The following ADGB variants were observed in gnomAD, a reference collection of about 807,000 sequenced individuals.
ADGB encodes the protein calpain-7-like protein.
Under a neutral mutation model 210.5 loss-of-function variants are expected in ADGB, and 172 were observed. The ratio of observed to expected loss-of-function variants is 0.82; its 90% CI spans 0.72 to 0.93. ADGB has a LOEUF of 0.93. ADGB is among the 40% of genes least tolerant of loss of function. The pLI, the probability that ADGB is intolerant of heterozygous loss-of-function variation, is 0.00. For missense variants in ADGB, 2,025 were observed against 1,964.8 expected (o/e 1.03, Z -0.58); for synonymous variants, 658 against 662.7 (o/e 0.99, Z 0.11).
chr6:146,665,275 T>A (rs1465834463), intron 6 of ADGB, among the ~76,000 whole-genome samples: 1 of 152,036 alleles, frequency 6.6e-6, no homozygotes, highest in Admixed American at 6.6e-5. Context: ...AGCTTCATTT[T>A]TCTCTCCCAA....
intron 2 of ADGB, among the ~76,000 whole-genome samples, chr6:146,636,559 AT>A (rs571738373): frequency 1.3e-5 from 2 of 152,068 alleles, no homozygotes; most frequent in Non-Finnish European, 2.9e-5. Flanking sequence ...TATTCTATGT[AT>A]TTTTTTCAGT....
At chr6:146,783,250 G>A (rs259403) in intron 30 of ADGB, among the ~76,000 whole-genome samples, 121,642 of 152,106 alleles carry the variant, frequency 0.8, 48,855 homozygotes, top group Admixed American at 0.84. Context: ...AGGAATAGCT[G>A]AGTAGGATGT....
intron 5 of ADGB, among the ~76,000 whole-genome samples, chr6:146,659,820 C>A (rs538621656): frequency 6.6e-6 from 1 of 152,024 alleles, no homozygotes; most frequent in African/African-American, 2.4e-5. Flanking sequence ...TTTGGGCCCC[C>A]GAAAGAAGCA....
intron 1 of ADGB, among the ~76,000 whole-genome samples, chr6:146,605,432 A>G (rs1780618038): frequency 6.6e-6 from 1 of 152,208 alleles, no homozygotes; most frequent in Non-Finnish European, 1.5e-5. Context: ...TCTGAAAAAG[A>G]AAATAAAGAA....
At chr6:146,810,791 A>T in intron 35 of ADGB, among the ~76,000 whole-genome samples, 1 of 152,142 alleles carries the variant, frequency 6.6e-6, no homozygotes, top group East Asian at 1.9e-4. Flanking sequence ...GTTACCAGAG[A>T]CTTAGGGGTG....
At chr6:146,767,708 C>T (rs1369861017) in intron 28 of ADGB, among the ~76,000 whole-genome samples, 1 of 146,566 alleles carries the variant, frequency 6.8e-6, no homozygotes, top group African/African-American at 2.4e-5. Flanking sequence ...CCCCTGACCT[C>T]AGGTGACCCA....
chr6:146,733,840 A>G lies in ADGB; in HGVS notation c.2657-53A>G, dbSNP rs371246595. 43 of 1,546,676 alleles carry G rather than the reference A, an allele frequency of 2.8e-5. No homozygotes were observed. The African/African-American group carries it at 4.7e-4, about 17-fold the overall frequency. On this transcript the variant is annotated intron_variant, in intron 21 of 35. Coordinates refer to ENST00000397944, the MANE Select transcript of ADGB (RefSeq NM_024694.4). ...TTGGCAGCTGAAGGCGTTGAAACTT[A>G]GGGAAGGGATTAAATATAACTTTCA...
chr6:146,631,998 G>T (rs1781073732), intron 1 of ADGB, among the ~76,000 whole-genome samples: 2 of 151,112 alleles, frequency 1.3e-5, no homozygotes, highest in Non-Finnish European at 1.5e-5. Context: ...CCTTCACTTG[G>T]TTTCCAAGGT....
In ADGB at chr6:146,776,449, A is replaced by T. The variant is rs1777723699; in HGVS notation, c.3863-5571A>T. 2.0e-5 allele frequency among the ~76,000 whole-genome samples: 3 copies of T among 152,138 alleles called. No homozygotes were observed. The South Asian group carries it at 6.2e-4, about 32-fold the overall frequency. On this transcript the variant is annotated intron_variant, in intron 29 of 35. Transcript: ENST00000397944. The stretch of plus-strand genomic sequence containing the variant: ...TATAATGATGTTCTGGCCTTCAAAG[A>T]ACTTAAAATTTATGTGAGAAAAGGT...
At chr6:146,667,402 G>T (rs1250661576) in intron 7 of ADGB, among the ~76,000 whole-genome samples, 3 of 152,006 alleles carry the variant, frequency 2.0e-5, no homozygotes, top group African/African-American at 4.8e-5. Context: ...GTTAACACCT[G>T]TTCTCTCTGG....
chr6:146,750,826 A>T (rs1777309972), intron 26 of ADGB, among the ~76,000 whole-genome samples: 1 of 152,120 alleles, frequency 6.6e-6, no homozygotes, highest in Admixed American at 6.5e-5. Context: ...TATTTTTGTG[A>T]TTCACAGAAA....
At position 146,676,330 on chromosome 6, in the gene ADGB, G is replaced by A; in HGVS notation, c.1105G>A (p.Asp369Asn). The change falls in exon 9 of 36, where the codon GAC (aspartate) becomes AAC (asparagine). Residue 369 changes from aspartate to asparagine, a missense_variant. Asp to Asn is a conservative substitution (Grantham distance 23, BLOSUM62 1). Transcript: ENST00000397944. Reference protein sequence around the residue: ...KVPKEKADARDIGKKRSKDGE... With the variant: ...KVPKEKADARNIGKKRSKDGE... ...TATGTTAGAGAAAGCAGATGCAAGA[G>A]ACATTGGAAAGAAGAGAAGCAAAGA... The A allele has an allele frequency of 6.5e-7, 1 of 1,548,118 alleles. No homozygotes were observed. Among genetic ancestry groups the A allele is most frequent in the Non-Finnish European group, 8.7e-7 (1 of 1,145,250 alleles).
rs561265181 is a variant in ADGB at position 146,686,713 on chromosome 6, G to A, written c.1311+885G>A. On this transcript the variant is annotated intron_variant, in intron 10 of 35. Coordinates refer to ENST00000397944, the MANE Select transcript of ADGB (RefSeq NM_024694.4). The stretch of plus-strand genomic sequence containing the variant: ...AATTTATTTAAACAAATGCCCTACT[G>A]CTTTTGGGGTTTTTGAATCCCAATT... 2.6e-5 allele frequency among the ~76,000 whole-genome samples: 4 copies of A among 152,174 alleles called. No homozygotes were observed. In the East Asian group the frequency reaches 7.7e-4, roughly 29 times the overall value.
At position 146,717,083 on chromosome 6, in the gene ADGB, T is replaced by A; in HGVS notation, c.1928+14T>A. On this transcript the variant is annotated intron_variant, in intron 15 of 35. Transcript: ENST00000397944. Reference sequence around the variant, plus strand: ...TGTATGCTTTCAGTAAGTATACCAATGGGATCAATCTGACTATGTCGTAGT... The same window carrying A: ...TGTATGCTTTCAGTAAGTATACCAAAGGGATCAATCTGACTATGTCGTAGT... 3 of 1,541,928 alleles carry A rather than the reference T, an allele frequency of 1.9e-6. No individual in the cohort carries two copies. The highest frequency in any genetic ancestry group is 1.8e-6 in the Non-Finnish European group (2 of 1,139,162).
chr6:146,656,887 C>T lies in ADGB; in HGVS notation c.519C>T (p.Pro173=), dbSNP rs1775789515. The part of the protein sequence containing the change: ...SGEPPLLPWK[P]WEHIYSLCKA... Reference sequence around the variant, plus strand: ...AACCTCCTCTTCTCCCCTGGAAGCCCTGGGAACACATATACTCTCTGTGCA... The same window carrying T: ...AACCTCCTCTTCTCCCCTGGAAGCCTTGGGAACACATATACTCTCTGTGCA... The change falls in exon 5 of 36, where the codon CCC becomes CCT. Residue 173 remains proline (P), a synonymous_variant. Coordinates refer to ENST00000397944, the MANE Select transcript of ADGB (RefSeq NM_024694.4). The T allele has an allele frequency of 1.9e-6, 3 of 1,551,496 alleles. No homozygotes were observed. The highest frequency in any genetic ancestry group is 1.2e-5 in the South Asian group (1 of 84,036).
chr6:146,806,998 C>G (rs1473791070), intron 35 of ADGB, among the ~76,000 whole-genome samples: 1 of 152,192 alleles, frequency 6.6e-6, no homozygotes, highest in East Asian at 1.9e-4. Flanking sequence ...GCTTCATCAT[C>G]AAGTATAGCT....
intron 26 of ADGB, among the ~76,000 whole-genome samples, chr6:146,749,277 A>G (rs1415421059): frequency 6.6e-6 from 1 of 152,118 alleles, no homozygotes; most frequent in East Asian, 1.9e-4. Context: ...GAAATAGCCA[A>G]GTGATACTGC....
chr6:146,785,430 G>A (rs1777859335), intron 31 of ADGB, among the ~76,000 whole-genome samples, 180 bp from the exon 32 acceptor site: 1 of 152,112 alleles, frequency 6.6e-6, no homozygotes, highest in African/African-American at 2.4e-5. Context: ...CAAAATCATG[G>A]ATGATTCAGA....
intron 35 of ADGB, among the ~76,000 whole-genome samples, chr6:146,805,853 C>T (rs1024075907): frequency 6.6e-6 from 1 of 152,142 alleles, no homozygotes; most frequent in Non-Finnish European, 1.5e-5. Flanking sequence ...ACTTACCCTG[C>T]ATGTGCATTT....
Sources: gnomAD v4.1 joint callset for allele counts (sites outside exome capture counted in the v4.1 genomes callset) on GRCh38, gnomAD v4.1.1 for gene constraint, MANE v1.5 for transcripts, NCBI Gene and HGNC (gene_info 2026-07-23, HGNC 2026-07-21) for gene names.